Variants in BTRC observed in about 807,000 individuals in gnomAD.
The protein encoded by BTRC is beta-transducin repeat containing E3 ubiquitin protein ligase.
A neutral mutation model predicts 85.5 loss-of-function variants in BTRC; 42 were observed. That is an observed-to-expected ratio of 0.49 (90% CI 0.38 to 0.64). BTRC has a LOEUF of 0.64. BTRC is among the 30% of genes least tolerant of loss of function. The pLI is 0.00. For missense variants in BTRC, 594 were observed against 743.5 expected (o/e 0.80, Z 2.34); for synonymous variants, 255 against 263.3 (o/e 0.97, Z 0.30).
intron 1 of BTRC, among the ~76,000 whole-genome samples, chr10:101,388,544 C>T (rs943087015): frequency 6.6e-6 from 1 of 151,868 alleles, no homozygotes; most frequent in African/African-American, 2.4e-5. Flanking sequence ...GGCTGGAGGG[C>T]AGTGGCATGA....
intron 4 of BTRC, among the ~76,000 whole-genome samples, chr10:101,489,243 C>G (rs965208837): frequency 6.6e-6 from 1 of 152,076 alleles, no homozygotes; most frequent in Non-Finnish European, 1.5e-5. Flanking sequence ...GGACTCCCCC[C>G]AGACAACTCT....
intron 1 of BTRC, among the ~76,000 whole-genome samples, chr10:101,405,112 G>C (rs1008270711): frequency 2.6e-5 from 4 of 151,452 alleles, no homozygotes; most frequent in Non-Finnish European, 5.9e-5. Context: ...CCATTTTCTT[G>C]AGTTCCTCCC....
rs576750722 is a variant in BTRC at position 101,553,726 on chromosome 10, C to T, written c.*603C>T. On this transcript the variant is annotated 3_prime_UTR_variant, in exon 15 of 15. Transcript: ENST00000370187. ...AAAAGAAAACACAAGAATGTATACA[C>T]TGGAAGATTTGGGCCTCCTGCCTGC... The T allele has an allele frequency of 6.5e-6, 1 of 153,018 alleles. No individual in the cohort carries two copies. Among genetic ancestry groups the T allele is most frequent in the Admixed American group, 6.5e-5 (1 of 15,310 alleles). The allele number at this position is 153,018 out of a possible 1,614,324, so 9.5% of individuals were successfully genotyped here.
chr10:101,538,315 G>A lies in BTRC; in HGVS notation c.1600G>A (p.Val534Met), dbSNP rs779119865. The A allele has an allele frequency of 1.9e-6, 3 of 1,614,092 alleles. No individual in the cohort carries two copies. Among genetic ancestry groups the A allele is most frequent in the Non-Finnish European group, 2.5e-6 (3 of 1,179,968 alleles). The change falls in exon 13 of 15, where the codon GTG becomes ATG. Residue 534 changes from valine to methionine, a missense_variant. Physicochemically the swap from Val to Met is conservative, Grantham distance 21 (BLOSUM62 1). Around this residue, in one of 4 missense-constraint regions of BTRC, gnomAD observed 373 missense variants for 503.6 expected, o/e 0.74. Coordinates refer to ENST00000370187, the MANE Select transcript of BTRC (RefSeq NM_033637.4). ...YDGKIKVWDLVAALDPRAPAG... is the reference protein window; with the variant it reads ...YDGKIKVWDLMAALDPRAPAG... ...TAGAAAAATTAAAGTGTGGGATCTT[G>A]TGGCTGCTTTGGACCCCCGTGCTCC...
Position 101,549,713 on chromosome 10 carries a change from C to CAAAAAAAAAAAAAAAAAAA in BTRC, c.1657-981_1657-963dup, listed in dbSNP as rs755481178. On this transcript the variant is annotated intron_variant, in intron 13 of 14. Transcript: ENST00000370187. Reference sequence around the variant, plus strand: ...GGGGCGAAAGAGCGAGACTCTGTCTCAAAAAAAAAAAAAAAAAAAAAAAGA... The same window carrying CAAAAAAAAAAAAAAAAAAA: ...GGGGCGAAAGAGCGAGACTCTGTCTCAAAAAAAAAAAAAAAAAAAAAAAAAAAAAAAAAAAAAAAAAAGA... 3.3e-3 allele frequency among the ~76,000 whole-genome samples: 139 copies of CAAAAAAAAAAAAAAAAAAA among 42,750 alleles called. 26 individuals carry two copies. Among genetic ancestry groups the CAAAAAAAAAAAAAAAAAAA allele is most frequent in the East Asian group, 0.016 (13 of 790 alleles). 28.0% of individuals were successfully genotyped at this position (42,750 alleles called of 152,430 possible).
Position 101,554,910 on chromosome 10 carries a change from T to G in BTRC, c.*1787T>G, listed in dbSNP as rs2062706298. ...GAATGTTGTTACTACATATTGAGAG[T>G]CATTTTATGCATATGCATTCTACCT... On this transcript the variant is annotated 3_prime_UTR_variant, in exon 15 of 15. Coordinates refer to ENST00000370187, the MANE Select transcript of BTRC (RefSeq NM_033637.4). 6.6e-6 allele frequency: 1 copy of G among 152,164 alleles called. No homozygotes were observed. Among genetic ancestry groups the G allele is most frequent in the African/African-American group, 2.4e-5 (1 of 41,442 alleles). The allele number at this position is 152,164 out of a possible 1,614,324, so 9.4% of individuals were successfully genotyped here. A position where few individuals can be genotyped will look rare whatever the true frequency, so the allele number is the denominator to read the frequency against.
At chr10:101,536,788 C>T (rs1425926096) in intron 12 of BTRC, 135 bp downstream of exon 12, 1 of 606,120 alleles carries the variant, frequency 1.6e-6, no homozygotes, top group East Asian at 2.9e-5. Context: ...TACCATATTT[C>T]TTTAATCCGT....
At chr10:101,521,607 C>A in intron 4 of BTRC, 32 bp from the exon 5 acceptor site, 4 of 1,467,892 alleles carry the variant, frequency 2.7e-6, no homozygotes, top group South Asian at 2.4e-5. Context: ...CAATACTAAT[C>A]ATTTTATGTT....
intron 13 of BTRC, among the ~76,000 whole-genome samples, chr10:101,544,774 A>G (rs2062531015): frequency 2.0e-5 from 3 of 152,152 alleles, no homozygotes; most frequent in Non-Finnish European, 4.4e-5. Flanking sequence ...ATAATTCTAT[A>G]TAGGCCAGGC....
rs1040231370 is a variant in BTRC, at chr10:101,555,817, C to A, written c.*2694C>A. The A allele has an allele frequency of 3.3e-5, 5 of 152,332 alleles. No homozygotes were observed. The highest frequency in any genetic ancestry group is 4.4e-5 in the Non-Finnish European group (3 of 68,028). The allele number at this position is 152,332 out of a possible 1,614,324, so 9.4% of individuals were successfully genotyped here. A position where few individuals can be genotyped will look rare whatever the true frequency, so the allele number is the denominator to read the frequency against. On this transcript the variant is annotated 3_prime_UTR_variant, in exon 15 of 15. Coordinates refer to ENST00000370187, the MANE Select transcript of BTRC (RefSeq NM_033637.4). ...GTCTCTTCTCACTAAAATTTACTTT[C>A]CAACGTAGGGCCTAAAGGAAACCTT...
At chr10:101,411,980 C>T (rs182086177) in intron 1 of BTRC, among the ~76,000 whole-genome samples, 317 of 152,250 alleles carry the variant, frequency 2.1e-3, no homozygotes, top group Non-Finnish European at 3.5e-3. Context: ...TGTAGTTCAT[C>T]CCAGCAACTG....
At position 101,532,421 on chromosome 10, in the gene BTRC, A is replaced by C. The variant is rs2062298771; in HGVS notation, c.967A>C (p.Asn323His). 2 of 1,610,620 alleles carry C rather than the reference A, an allele frequency of 1.2e-6. No homozygotes were observed. The highest frequency in any genetic ancestry group is 1.7e-6 in the Non-Finnish European group (2 of 1,178,758). ...GAAAATAGTAAGCGGCCTTCGAGAC[A>C]ACACAATCAAGGTGAGGTCTATTCA... ...DQKIVSGLRD[N>H]TIKIWDKNTL... Residue 323 changes from asparagine to histidine, a missense_variant, in exon 8 of 15, where the codon AAC becomes CAC. Asn to His is a moderately conservative substitution (Grantham distance 68). Around this residue, in one of 4 missense-constraint regions of BTRC, gnomAD observed 373 missense variants for 503.6 expected, o/e 0.74. Transcript: ENST00000370187.
chr10:101,369,452 G>C (rs2134531955), intron 1 of BTRC, among the ~76,000 whole-genome samples: 1 of 152,222 alleles, frequency 6.6e-6, no homozygotes, highest in South Asian at 2.1e-4. Flanking sequence ...CATTCAAACT[G>C]CTTCCTCTGT....
intron 5 of BTRC, among the ~76,000 whole-genome samples, chr10:101,522,361 AAAAAAC>A (rs1485138957): frequency 4.3e-4 from 29 of 68,232 alleles, no homozygotes; most frequent in African/African-American, 1.7e-3. Context: ...TTAAAAAAAA[AAAAAAC>A]AAAAAAAAAC....
chr10:101,455,317 G>A (rs1214935425), intron 2 of BTRC, among the ~76,000 whole-genome samples: 4 of 150,828 alleles, frequency 2.7e-5, no homozygotes, highest in African/African-American at 4.9e-5. Flanking sequence ...TCTACCTCCC[G>A]ACAAGAAAAC....
At chr10:101,488,391 A>G (rs1373265874) in intron 4 of BTRC, among the ~76,000 whole-genome samples, 1 of 152,206 alleles carries the variant, frequency 6.6e-6, no homozygotes, top group Non-Finnish European at 1.5e-5. Context: ...TGAGAACTGA[A>G]TATCAATCAA....
intron 6 of BTRC, among the ~76,000 whole-genome samples, chr10:101,530,298 C>T (rs2062260755): frequency 6.6e-6 from 1 of 152,044 alleles, no homozygotes; most frequent in East Asian, 1.9e-4. Context: ...GCTGGACACA[C>T]CTGTGATCCT....
intron 12 of BTRC, among the ~76,000 whole-genome samples, chr10:101,537,931 G>A (rs1272260484): frequency 1.3e-5 from 2 of 152,162 alleles, no homozygotes; most frequent in African/African-American, 2.4e-5. Context: ...AAAGATGAGG[G>A]CTTGCTTATA....
chr10:101,432,196 C>T (rs1174314402), intron 2 of BTRC, among the ~76,000 whole-genome samples: 2 of 151,048 alleles, frequency 1.3e-5, no homozygotes, highest in African/African-American at 2.4e-5. Flanking sequence ...GGCACAATCT[C>T]GACTCACAGC....
Sources: gnomAD v4.1 joint callset for allele counts (sites outside exome capture counted in the v4.1 genomes callset) on GRCh38, gnomAD v4.1.1 for gene constraint, gnomAD v4.1.1 regional missense constraint, MANE v1.5 for transcripts, NCBI Gene and HGNC (gene_info 2026-07-23, HGNC 2026-07-21) for gene names.